The following ZNF43 variants were observed in gnomAD, a reference collection of about 807,000 sequenced individuals.
The protein encoded by ZNF43 is zinc finger protein 43.
A neutral mutation model predicts 68.4 loss-of-function variants in ZNF43; 44 were observed. The ratio of observed to expected loss-of-function variants is 0.64; its 90% CI spans 0.51 to 0.83. The LOEUF (loss-of-function observed/expected upper bound fraction) is 0.83, where lower values mean the gene tolerates loss of function less well. ZNF43 is among the 40% of genes least tolerant of loss of function. The pLI, the probability that ZNF43 is intolerant of heterozygous loss-of-function variation, is 0.00. For missense variants in ZNF43, 896 were observed against 933.2 expected, an observed-to-expected ratio of 0.96 and a Z score of 0.52; for synonymous variants, 308 against 307.8, an observed-to-expected ratio of 1.00 and a Z score of -0.01.
At position 21,807,569 on chromosome 19, in the gene ZNF43, A is replaced by G; in HGVS notation, c.*38T>C. On this transcript the variant is annotated 3_prime_UTR_variant, in exon 4 of 4. Coordinates refer to ENST00000354959, the MANE Select transcript of ZNF43 (RefSeq NM_003423.4). ...GTGACAACCATGTAAAGCCTTTATC[A>G]CATTCTTTACATTTCTAGAATTTCT... The G allele has an allele frequency of 6.7e-7, 1 of 1,488,494 alleles. No individual in the cohort carries two copies. Among genetic ancestry groups the G allele is most frequent in the Non-Finnish European group, 9.0e-7 (1 of 1,115,008 alleles). 92.2% of individuals were successfully genotyped at this position (1,488,494 alleles called of 1,614,324 possible).
At chr19:21,844,976 TA>T (rs1158786014) in intron 1 of ZNF43, among the ~76,000 whole-genome samples, 1 of 136,256 alleles carries the variant, frequency 7.3e-6, no homozygotes, top group Admixed American at 7.7e-5. Context: ...CACCTATGGG[TA>T]AAGAGTGAGC....
At chr19:21,836,606 T>G (rs1025373118), upstream of ZNF43, among the ~76,000 whole-genome samples, 4 of 152,236 alleles carry the variant, frequency 2.6e-5, no homozygotes, top group Non-Finnish European at 5.9e-5. Context: ...TTCTTATTCT[T>G]GAGAGGGAGT....
At position 21,843,977 on chromosome 19, in the gene ZNF43, G is replaced by A. The variant is rs1473417814; in HGVS notation, c.30+7928C>T. The stretch of plus-strand genomic sequence containing the variant: ...ACAATATTTACTGTTGGCTGGTTGC[G>A]CATATGAGTATAACAATGTCACCTG... On this transcript the variant is annotated intron_variant, in intron 1 of 3. Coordinates refer to the ZNF43 transcript ENST00000357491. 3.9e-5 allele frequency among the ~76,000 whole-genome samples: 6 copies of A among 152,194 alleles called. No homozygotes were observed. The East Asian group carries it at 5.8e-4, about 15-fold the overall frequency.
At chr19:21,847,048 A>T (rs763603591) in intron 1 of ZNF43, among the ~76,000 whole-genome samples, 14 of 152,202 alleles carry the variant, frequency 9.2e-5, no homozygotes, top group South Asian at 2.1e-4. Flanking sequence ...GACCAGACAG[A>T]AGAAGACTGT....
chr19:21,817,466 A>C (rs1274857093), intron 3 of ZNF43, among the ~76,000 whole-genome samples: 4 of 152,216 alleles, frequency 2.6e-5, no homozygotes, highest in African/African-American at 9.6e-5. Flanking sequence ...CTGTGCAGAA[A>C]ATATACAAAG....
intron 3 of ZNF43, among the ~76,000 whole-genome samples, chr19:21,816,325 C>T (rs2037526494): frequency 6.6e-6 from 1 of 152,102 alleles, no homozygotes; most frequent in Admixed American, 6.6e-5. Context: ...TGTAGCAAGA[C>T]CCCATCTGAA....
chr19:21,834,763 T>C (rs1347066551), intron 1 of ZNF43, among the ~76,000 whole-genome samples: 2 of 131,706 alleles, frequency 1.5e-5, no homozygotes, highest in Non-Finnish European at 3.2e-5. Flanking sequence ...GAAGCAAGGA[T>C]GGAAAGATGG....
chr19:21,849,371 C>G (rs901737574), intron 1 of ZNF43, among the ~76,000 whole-genome samples: 1 of 151,570 alleles, frequency 6.6e-6, no homozygotes, highest in South Asian at 2.1e-4. Flanking sequence ...GCCTGTAATC[C>G]CAGCTACTCA....
chr19:21,818,003 T>C lies in ZNF43; in HGVS notation c.131-17A>G, dbSNP rs1485996233. The stretch of plus-strand genomic sequence containing the variant: ...CAGCAATACCTGTTTCAATAAAAAA[T>C]AAATTACGTGAATCTTGCTCATATT... On this transcript the variant is annotated splice_polypyrimidine_tract_variant and intron_variant, in intron 2 of 3. Transcript: ENST00000354959. The C allele has an allele frequency of 1.2e-6, 2 of 1,602,914 alleles. No homozygotes were observed. Among genetic ancestry groups the C allele is most frequent in the Non-Finnish European group, 1.7e-6 (2 of 1,171,330 alleles).
chr19:21,821,138 ATTTTTT>A (rs74174043), intron 1 of ZNF43, among the ~76,000 whole-genome samples: 7 of 118,548 alleles, frequency 5.9e-5, no homozygotes, highest in Admixed American at 5.6e-4. Context: ...CCCGGCTGTA[ATTTTTT>A]TTTTTTTTTT....
chr19:21,839,368 A>T (rs73550302), upstream of ZNF43, among the ~76,000 whole-genome samples: 142 of 150,236 alleles, frequency 9.5e-4, no homozygotes, highest in African/African-American at 3.3e-3. Flanking sequence ...AGATCACATA[A>T]CCTAAGAGCT....
intron 1 of ZNF43, among the ~76,000 whole-genome samples, chr19:21,849,020 G>T (rs2457794): frequency 0.38 from 57,562 of 151,852 alleles, 11,126 homozygotes; most frequent in African/African-American, 0.45. Context: ...CAATTTTAAC[G>T]GTGGACTGTG....
intron 3 of ZNF43, among the ~76,000 whole-genome samples, chr19:21,815,454 T>C (rs2037474745): frequency 1.4e-5 from 2 of 146,344 alleles, no homozygotes; most frequent in South Asian, 2.3e-4. Flanking sequence ...AATCCAACTT[T>C]AGAGGCAAAG....
rs543282377 is a variant in ZNF43, at chr19:21,811,070, A to G, written c.230-1263T>C. On this transcript the variant is annotated intron_variant, in intron 3 of 3. Transcript: ENST00000354959. ...CTGGCAAATCCAAAAATATATCAAA[A>G]TAAAACACACTCTTCAACATATTCT... Among the ~76,000 whole-genome samples, 21 of 152,358 alleles carry G rather than the reference A, an allele frequency of 1.4e-4. 1 individual carries two copies. The South Asian group carries it at 1.7e-3, about 12-fold the overall frequency.
rs538484884 is a variant in ZNF43 at position 21,829,100 on chromosome 19, A to G, written c.3+6936T>C. ...CGTGGTGGCACGTGCCTGTAGTCCC[A>G]GCTACTCCAGCTACTCAGGAGGCTA... On this transcript the variant is annotated intron_variant, in intron 1 of 3. Transcript: ENST00000354959. Among the ~76,000 whole-genome samples, 3 of 147,142 alleles carry G rather than the reference A, an allele frequency of 2.0e-5. No individual in the cohort carries two copies. In the South Asian group the frequency reaches 6.6e-4, roughly 32 times the overall value.
chr19:21,832,367 C>CA (rs1292855019), intron 1 of ZNF43, among the ~76,000 whole-genome samples: 1 of 152,038 alleles, frequency 6.6e-6, no homozygotes, highest in Non-Finnish European at 1.5e-5. Flanking sequence ...ACACCATATA[C>CA]AAAAATCAAC....
intron 1 of ZNF43, among the ~76,000 whole-genome samples, chr19:21,821,827 A>T (rs1334226067): frequency 6.6e-6 from 1 of 152,226 alleles, no homozygotes; most frequent in African/African-American, 2.4e-5. Flanking sequence ...AAACACAAGT[A>T]GCAAAGTACA....
chr19:21,844,161 A>G (rs1280829813), intron 1 of ZNF43, among the ~76,000 whole-genome samples: 1 of 152,004 alleles, frequency 6.6e-6, no homozygotes, highest in East Asian at 1.9e-4. Context: ...TGAGGTCAGT[A>G]GTTCAAGACC....
chr19:21,839,549 G>A (rs1411575403), upstream of ZNF43: 1 of 152,138 alleles, frequency 6.6e-6, no homozygotes, highest in Non-Finnish European at 1.5e-5. Flanking sequence ...ATATGTCAAA[G>A]TAACTCCTGT....
Sources: gnomAD v4.1 joint callset for allele counts (sites outside exome capture counted in the v4.1 genomes callset) on GRCh38, gnomAD v4.1.1 for gene constraint, MANE v1.5 for transcripts, NCBI Gene and HGNC (gene_info 2026-07-23, HGNC 2026-07-21) for gene names.